Variants in PSD3 observed in about 807,000 individuals in gnomAD.
PSD3 encodes pleckstrin and Sec7 domain containing 3.
In PSD3, 49 loss-of-function variants were observed where a neutral mutation model predicts 105.5. The observed-to-expected ratio is 0.46, with a 90% CI of 0.37 to 0.59. PSD3 has a LOEUF of 0.59. Among genes scored for constraint, PSD3 ranks in the 20% least tolerant of loss-of-function variants. The pLI, the probability that PSD3 is intolerant of heterozygous loss-of-function variation, is 0.00. For synonymous variants in PSD3, 557 were observed against 457.8 expected (o/e 1.22, Z -2.77); for missense variants, 1,561 against 1,263.8 (o/e 1.24, Z -3.57).
chr8:18,751,077 G>A (rs1440910362), intron 9 of PSD3, among the ~76,000 whole-genome samples: 1 of 152,158 alleles, frequency 6.6e-6, no homozygotes. Context: ...ATGGACCTGG[G>A]CGCCGTGCAG....
intron 9 of PSD3, among the ~76,000 whole-genome samples, chr8:18,688,289 G>T (rs745349264): frequency 2.6e-5 from 4 of 151,978 alleles, no homozygotes; most frequent in Non-Finnish European, 4.4e-5. Flanking sequence ...TAGAAATAGG[G>T]TCTTGCTATG....
chr8:18,600,531 C>A, intron 11 of PSD3, 97 bp from the exon 12 acceptor site: 1 of 1,004,512 alleles, frequency 1.0e-6, no homozygotes, highest in Non-Finnish European at 1.5e-6. Context: ...CAATATTCTA[C>A]CTAGCTACCG....
intron 2 of PSD3, among the ~76,000 whole-genome samples, chr8:18,919,582 G>C (rs1178314750): frequency 6.6e-6 from 1 of 152,000 alleles, no homozygotes; most frequent in East Asian, 1.9e-4. Context: ...AGGTGGGGCG[G>C]GGCAGGACTG....
intron 12 of PSD3, among the ~76,000 whole-genome samples, chr8:18,578,411 T>C (rs1350576435): frequency 6.6e-6 from 1 of 152,170 alleles, no homozygotes; most frequent in Non-Finnish European, 1.5e-5. Flanking sequence ...CTCCATGATT[T>C]GTGAAATTCT....
intron 1 of PSD3, among the ~76,000 whole-genome samples, chr8:19,061,149 C>T (rs969423053): frequency 6.6e-6 from 1 of 152,200 alleles, no homozygotes; most frequent in Middle Eastern, 3.4e-3. Context: ...ACTACACAGA[C>T]AGTTTAAAAA....
At position 18,765,450 on chromosome 8, in the gene PSD3, T is replaced by G; in HGVS notation, c.2171A>C (p.Lys724Thr). 6.2e-7 allele frequency: 1 copy of G among 1,603,762 alleles called. No individual in the cohort carries two copies. The highest frequency in any genetic ancestry group is 8.5e-7 in the Non-Finnish European group (1 of 1,170,562). ...AAAAACCAATAGTTCCATGCTTACT[T>G]TCAGCAGATCCTTGGAGAAATCAAC... ...EGVDFSKDLL[K>T]ALYNSIKNEK... Residue 724 changes from lysine to threonine, a missense_variant and splice_region_variant, in exon 9 of 16, where the codon AAA (lysine) becomes ACA (threonine). Coordinates refer to ENST00000327040, the MANE Select transcript of PSD3 (RefSeq NM_015310.4).
At chr8:18,748,764 T>C (rs1300497053) in intron 9 of PSD3, among the ~76,000 whole-genome samples, 3 of 151,440 alleles carry the variant, frequency 2.0e-5, no homozygotes, top group African/African-American at 4.9e-5. Context: ...CCTGCCAACA[T>C]GACCTCATCA....
At chr8:18,776,537 C>T (rs1234880175) in intron 8 of PSD3, among the ~76,000 whole-genome samples, 10 of 151,940 alleles carry the variant, frequency 6.6e-5, no homozygotes, top group Admixed American at 1.3e-4. Flanking sequence ...GCCACCACAC[C>T]TGGCTACTTT....
At chr8:18,785,649 ACTGT>A (rs1809071627) in intron 8 of PSD3, among the ~76,000 whole-genome samples, 1 of 152,154 alleles carries the variant, frequency 6.6e-6, no homozygotes, top group Non-Finnish European at 1.5e-5. Flanking sequence ...AACTTTATTA[ACTGT>A]CTGGTGCAAG....
intron 4 of PSD3, among the ~76,000 whole-genome samples, chr8:18,858,452 A>G (rs1816191920): frequency 6.6e-6 from 1 of 152,170 alleles, no homozygotes; most frequent in Non-Finnish European, 1.5e-5. Flanking sequence ...AACTTCTGAA[A>G]ATAAGACAAA....
rs1406403084 is a variant in PSD3 at position 18,529,196 on chromosome 8, T to C, written c.*6547A>G. On this transcript the variant is annotated 3_prime_UTR_variant, in exon 16 of 16. Transcript: ENST00000327040. The stretch of plus-strand genomic sequence containing the variant: ...GTGAATTACAAGAAAGCCTTCAATT[T>C]GGTGGTCCACAAGAAAGAATGTGAT... 1 of 152,172 alleles carries C rather than the reference T, an allele frequency of 6.6e-6. No homozygotes were observed. Among genetic ancestry groups the C allele is most frequent in the Non-Finnish European group, 1.5e-5 (1 of 68,028 alleles). The allele number at this position is 152,172 out of a possible 1,614,324, so 9.4% of individuals were successfully genotyped here. A position where few individuals can be genotyped will look rare whatever the true frequency, so the allele number is the denominator to read the frequency against.
intron 15 of PSD3, among the ~76,000 whole-genome samples, chr8:18,553,602 C>T (rs141195887): frequency 1.3e-5 from 2 of 152,252 alleles, no homozygotes; most frequent in East Asian, 3.9e-4. Context: ...GGGAATGCTG[C>T]TTATGAAGCA....
chr8:18,755,367 T>G (rs1805936748), intron 9 of PSD3, among the ~76,000 whole-genome samples: 1 of 151,900 alleles, frequency 6.6e-6, no homozygotes, highest in Admixed American at 6.6e-5. Context: ...GAGGTAGAGG[T>G]TGCAGTGAGC....
intron 9 of PSD3, among the ~76,000 whole-genome samples, chr8:18,696,433 A>G (rs1419016889): frequency 6.6e-6 from 1 of 152,216 alleles, no homozygotes; most frequent in Admixed American, 6.5e-5. Context: ...CTTGGATTCA[A>G]TGTTGAATCT....
intron 1 of PSD3, among the ~76,000 whole-genome samples, chr8:19,047,314 T>C (rs1289524978): frequency 6.6e-6 from 1 of 152,180 alleles, no homozygotes; most frequent in Non-Finnish European, 1.5e-5. Flanking sequence ...GGTACAGTAA[T>C]GCATTGTATA....
At chr8:18,936,523 G>C (rs1822146245) in intron 1 of PSD3, among the ~76,000 whole-genome samples, 1 of 152,104 alleles carries the variant, frequency 6.6e-6, no homozygotes, top group Non-Finnish European at 1.5e-5. Flanking sequence ...CAGCACTTTG[G>C]GAGGCCAAAG....
intron 9 of PSD3, among the ~76,000 whole-genome samples, chr8:18,663,682 T>C: frequency 6.6e-6 from 1 of 152,238 alleles, no homozygotes; most frequent in East Asian, 1.9e-4. Flanking sequence ...CTAGTATGAA[T>C]AACACTATTC....
intron 14 of PSD3, among the ~76,000 whole-genome samples, chr8:18,568,175 A>G (rs73211714): frequency 0.097 from 14,767 of 152,140 alleles, 741 homozygotes; most frequent in South Asian, 0.21. Context: ...TTCTTTCTAA[A>G]TGACCCAGGC....
At chr8:18,620,537 C>T (rs1806040373) in intron 11 of PSD3, among the ~76,000 whole-genome samples, 1 of 151,910 alleles carries the variant, frequency 6.6e-6, no homozygotes, top group African/African-American at 2.4e-5. Context: ...TGGTGCAACC[C>T]TATCTCTATA....
Sources: gnomAD v4.1 joint callset for allele counts (sites outside exome capture counted in the v4.1 genomes callset) on GRCh38, gnomAD v4.1.1 for gene constraint, MANE v1.5 for transcripts, NCBI Gene and HGNC (gene_info 2026-07-23, HGNC 2026-07-21) for gene names.